NOSTRIN: variants seen among roughly 807,000 people sequenced by gnomAD.
NOSTRIN encodes nitric oxide synthase trafficking, also known as BM247 homolog.
NOSTRIN carries 63 observed loss-of-function variants against 59.0 expected under a neutral mutation model. That is an observed-to-expected ratio of 1.07 (90% CI 0.87 to 1.32). The LOEUF (loss-of-function observed/expected upper bound fraction) is 1.32. Among genes scored for constraint, NOSTRIN ranks in the 40% most tolerant of loss-of-function variants. The probability of loss-of-function intolerance (pLI) is 0.00; values close to 1 mark genes in which losing one functional copy is unlikely to be tolerated. For synonymous variants in NOSTRIN, 200 were observed against 165.4 expected (o/e 1.21, Z -1.61); for missense variants, 512 against 473.1 (o/e 1.08, Z -0.76).
chr2:168,839,202 A>T (rs1283362245), intron 7 of NOSTRIN, among the ~76,000 whole-genome samples: 2 of 152,190 alleles, frequency 1.3e-5, no homozygotes, highest in African/African-American at 4.8e-5. Flanking sequence ...TTCACCAAAA[A>T]ATATCTTTCT....
At chr2:168,851,506 G>T in intron 10 of NOSTRIN, 102 bp downstream of exon 10, 1 of 1,475,790 alleles carries the variant, frequency 6.8e-7, no homozygotes, top group Non-Finnish European at 9.0e-7. Context: ...TTTTATCAAT[G>T]AAAATGATTT....
intron 8 of NOSTRIN, among the ~76,000 whole-genome samples, chr2:168,845,342 T>A (rs1559132223): frequency 6.6e-6 from 1 of 152,166 alleles, no homozygotes; most frequent in Non-Finnish European, 1.5e-5. Context: ...GAGAGACATT[T>A]CTGCTCCCAC....
upstream of NOSTRIN, among the ~76,000 whole-genome samples, chr2:168,796,170 T>C (rs1226227325): frequency 2.0e-5 from 3 of 152,230 alleles, no homozygotes; most frequent in Non-Finnish European, 4.4e-5. Flanking sequence ...ATGGCACTCA[T>C]GTGCATGCAG....
At chr2:168,798,575 C>A (rs1215341908), upstream of NOSTRIN, among the ~76,000 whole-genome samples, 2 of 152,074 alleles carry the variant, frequency 1.3e-5, no homozygotes, top group African/African-American at 4.8e-5. Flanking sequence ...ACCAGGAAGG[C>A]ACATGCTGAG....
In NOSTRIN at chr2:168,851,123, T is replaced by C. The variant is rs182073385; in HGVS notation, c.670T>C (p.Cys224Arg). ...ELEKERIQLLCNNLNQYSQHI... is the reference protein window; with the variant it reads ...ELEKERIQLLRNNLNQYSQHI... ...GGAGAAGGAAAGAATTCAACTTTTA[T>C]GCAATAACTTAAACCAGTACAGCCA... Residue 224 changes from cysteine (C) to arginine (R), a missense_variant, in exon 9 of 16, where the codon TGC becomes CGC. Coordinates refer to ENST00000317647, the MANE Select transcript of NOSTRIN (RefSeq NM_001039724.4). 47 of 1,589,090 alleles carry C rather than the reference T, an allele frequency of 3.0e-5. No individual in the cohort carries two copies. In the East Asian group the frequency reaches 9.8e-4, roughly 33 times the overall value.
intron 8 of NOSTRIN, among the ~76,000 whole-genome samples, chr2:168,849,412 GTGGCATGATCTCAGCTCACTGCAACCAC>G (rs1688615059): frequency 6.6e-6 from 1 of 151,832 alleles, no homozygotes; most frequent in Non-Finnish European, 1.5e-5. Flanking sequence ...CTGGAGTGCA[GTGGCATGATCTCAGCTCACTGCAACCAC>G]CACCTCCCAG....
chr2:168,789,536 T>A (rs1685292070), intron 2 of NOSTRIN, among the ~76,000 whole-genome samples: 2 of 152,074 alleles, frequency 1.3e-5, no homozygotes, highest in Non-Finnish European at 2.9e-5. Context: ...TCCCACAACA[T>A]GTGGAGATTG....
At chr2:168,820,385 T>C (rs543002147) in intron 2 of NOSTRIN, among the ~76,000 whole-genome samples, 34 of 152,262 alleles carry the variant, frequency 2.2e-4, no homozygotes, top group African/African-American at 7.7e-4. Context: ...CCTGGCACGT[T>C]GTAAGTGCCC....
chr2:168,799,839 A>G (rs1685569587), upstream of NOSTRIN, among the ~76,000 whole-genome samples: 1 of 152,226 alleles, frequency 6.6e-6, no homozygotes, highest in African/African-American at 2.4e-5. Context: ...TTAAGCAGCC[A>G]TTGTAGTAAA....
Position 168,843,127 on chromosome 2 carries a change from A to G in NOSTRIN, c.630+10A>G. The G allele has an allele frequency of 1.2e-6, 1 of 861,828 alleles. No homozygotes were observed. Among genetic ancestry groups the G allele is most frequent in the South Asian group, 1.3e-5 (1 of 74,662 alleles). 53.4% of individuals were successfully genotyped at this position (861,828 alleles called of 1,614,324 possible). A position where few individuals can be genotyped will look rare whatever the true frequency, so the allele number is the denominator to read the frequency against. ...AGAGAACTGCTACCAGGTAAGTTAT[A>G]TATTCACATTTTTTTCTTCTTCTGT... On this transcript the variant is annotated intron_variant, in intron 8 of 15. Coordinates refer to ENST00000317647, the MANE Select transcript of NOSTRIN (RefSeq NM_001039724.4).
chr2:168,850,935 C>T, intron 8 of NOSTRIN, 149 bp from the exon 9 acceptor site: 1 of 803,734 alleles, frequency 1.2e-6, no homozygotes, highest in East Asian at 2.6e-5. Flanking sequence ...TCCTGGAAAT[C>T]TCCCTCCACT....
chr2:168,818,175 T>TG (rs1402174545), intron 2 of NOSTRIN: 1 of 349,108 alleles, frequency 2.9e-6, no homozygotes, highest in South Asian at 2.3e-5. Context: ...TTTTTAGAGA[T>TG]GGGGTTCTCA....
chr2:168,858,662 A>C (rs1689261802), intron 12 of NOSTRIN, among the ~76,000 whole-genome samples: 2 of 152,234 alleles, frequency 1.3e-5, no homozygotes, highest in Non-Finnish European at 2.9e-5. Context: ...GTCTTAGGTA[A>C]GCCTGCCCCA....
chr2:168,808,697 A>C (rs1323394241), intron 1 of NOSTRIN, among the ~76,000 whole-genome samples: 1 of 152,246 alleles, frequency 6.6e-6, no homozygotes, highest in Admixed American at 6.5e-5. Context: ...TTTATTGAAC[A>C]TAAAATAAAA....
At chr2:168,822,077 C>T (rs1686773741) in intron 2 of NOSTRIN, among the ~76,000 whole-genome samples, 1 of 152,230 alleles carries the variant, frequency 6.6e-6, no homozygotes, top group Admixed American at 6.5e-5. Context: ...GGGTGATGGT[C>T]TCTCCCAGCT....
chr2:168,807,443 C>T (rs1685914860), intron 1 of NOSTRIN, among the ~76,000 whole-genome samples: 1 of 152,140 alleles, frequency 6.6e-6, no homozygotes, highest in Non-Finnish European at 1.5e-5. Context: ...TGAAAATATT[C>T]TTAGCAAATC....
chr2:168,796,811 C>G (rs553771012), upstream of NOSTRIN, among the ~76,000 whole-genome samples: 22 of 152,240 alleles, frequency 1.4e-4, no homozygotes, highest in Admixed American at 1.4e-3. Flanking sequence ...CAGAAGGTCA[C>G]ACTTATCTTC....
upstream of NOSTRIN, among the ~76,000 whole-genome samples, chr2:168,800,210 C>T (rs1363792142): frequency 6.6e-6 from 1 of 151,756 alleles, no homozygotes; most frequent in Non-Finnish European, 1.5e-5. Flanking sequence ...TGTAGATGAC[C>T]TGCTTTTACA....
intron 2 of NOSTRIN, among the ~76,000 whole-genome samples, chr2:168,790,228 C>T (rs1212758941): frequency 6.6e-6 from 1 of 152,094 alleles, no homozygotes; most frequent in Non-Finnish European, 1.5e-5. Flanking sequence ...AAAGATAATA[C>T]TAGTAATAAA....
Sources: allele counts gnomAD v4.1 joint callset (sites outside exome capture counted in the v4.1 genomes callset), GRCh38; gene constraint gnomAD v4.1.1; transcripts MANE v1.5; gene names NCBI Gene and HGNC (gene_info 2026-07-23, HGNC 2026-07-21).